The following PIK3AP1 variants were observed in gnomAD, a reference collection of about 807,000 sequenced individuals.
PIK3AP1 encodes phosphoinositide-3-kinase adaptor protein 1.
Under a neutral mutation model 88.1 loss-of-function variants are expected in PIK3AP1, and 21 were observed. The observed-to-expected ratio is 0.24, with a 90% confidence interval of 0.17 to 0.34. PIK3AP1 has a LOEUF of 0.34. Ranked by LOEUF, PIK3AP1 falls within the 10% of genes least tolerant of loss-of-function variation. The pLI, the probability that PIK3AP1 is intolerant of heterozygous loss-of-function variation, is 1.00. For missense variants in PIK3AP1, 828 were observed against 1,035.7 expected (o/e 0.80, Z 2.75); for synonymous variants, 398 against 400.0 (o/e 1.00, Z 0.06).
intron 1 of PIK3AP1, among the ~76,000 whole-genome samples, chr10:96,714,507 A>G (rs1416342849): frequency 6.6e-6 from 1 of 152,234 alleles, no homozygotes; most frequent in East Asian, 1.9e-4. Context: ...TAGTTTAGAA[A>G]ATACAGTTAA....
At chr10:96,639,280 G>A (rs996367796) in intron 8 of PIK3AP1, among the ~76,000 whole-genome samples, 1 of 152,140 alleles carries the variant, frequency 6.6e-6, no homozygotes, top group African/African-American at 2.4e-5. Flanking sequence ...TTATTTTCTG[G>A]TAGCTCAAAT....
chr10:96,651,279 G>A lies in PIK3AP1; in HGVS notation c.957C>T (p.Ile319=), dbSNP rs1403023526. The change falls in exon 6 of 17, where the codon ATC becomes ATT. Residue 319 remains isoleucine, a synonymous_variant. Coordinates refer to ENST00000339364, the MANE Select transcript of PIK3AP1 (RefSeq NM_152309.3). ...TCATATCTTCTTCTTCCAGCTGGTT[G>A]ATTCCAAAGAGGTGCAGTCCGCTTG... The part of the protein sequence containing the change: ...IPASGLHLFG[I]NQLEEEDMMT... 1 of 1,614,212 alleles carries A rather than the reference G, an allele frequency of 6.2e-7. No individual in the cohort carries two copies. The highest frequency in any genetic ancestry group is 1.1e-5 in the South Asian group (1 of 91,076).
chr10:96,654,186 G>A (rs183055056), intron 3 of PIK3AP1, among the ~76,000 whole-genome samples: 203 of 152,198 alleles, frequency 1.3e-3, no homozygotes, highest in African/African-American at 4.6e-3. Context: ...CGAGCGCCTC[G>A]AATAGCTCTT....
chr10:96,715,665 T>C (rs1010996176), intron 1 of PIK3AP1, among the ~76,000 whole-genome samples: 1 of 151,508 alleles, frequency 6.6e-6, no homozygotes, highest in African/African-American at 2.4e-5. Flanking sequence ...CCAAGGCGGG[T>C]GGATCACGAG....
intron 2 of PIK3AP1, among the ~76,000 whole-genome samples, chr10:96,672,674 C>T (rs1043451811): frequency 6.6e-6 from 1 of 151,070 alleles, no homozygotes; most frequent in Non-Finnish European, 1.5e-5. Context: ...GCTGCCATGA[C>T]AACCAATGAA....
chr10:96,629,923 AAAAAAAAAAGAAG>A (rs1564961825), intron 8 of PIK3AP1, among the ~76,000 whole-genome samples: 1 of 67,578 alleles, frequency 1.5e-5, no homozygotes, highest in Non-Finnish European at 3.4e-5. Flanking sequence ...AAAAAAAAAA[AAAAAAAAAAGAAG>A]AAGAAGAAGA....
intron 2 of PIK3AP1, chr10:96,700,815 C>G: frequency 1.0e-6 from 1 of 985,578 alleles, no homozygotes; most frequent in South Asian, 4.7e-5. Context: ...TCTGCGAGGC[C>G]ACGACACCGA....
At chr10:96,616,580 C>A in intron 13 of PIK3AP1, 59 bp downstream of exon 13, 4 of 1,576,530 alleles carry the variant, frequency 2.5e-6, no homozygotes, top group African/African-American at 1.3e-5. Flanking sequence ...AAAGGAGAGT[C>A]AAGGACAACA....
intron 2 of PIK3AP1, among the ~76,000 whole-genome samples, chr10:96,701,612 C>T (rs521787): frequency 0.05 from 7,584 of 152,168 alleles, 652 homozygotes; most frequent in African/African-American, 0.17. Context: ...GCAAGAGAAA[C>T]TGCAAATGTA....
At chr10:96,634,174 G>T (rs796235524) in intron 8 of PIK3AP1, among the ~76,000 whole-genome samples, 67 of 152,332 alleles carry the variant, frequency 4.4e-4, no homozygotes, top group African/African-American at 1.6e-3. Flanking sequence ...ACCATAGCGA[G>T]AGGCCAACCT....
Position 96,695,369 on chromosome 10 carries a change from G to A in PIK3AP1, c.430+14198C>T, listed in dbSNP as rs1844206623. On this transcript the variant is annotated intron_variant, in intron 2 of 16. Transcript: ENST00000339364. ...TGATGAACGTCCTTCCTATCTTATTGCAAGCTTTAACTGCAACTACAGCCT... is the reference window on the plus strand; with the variant it reads ...TGATGAACGTCCTTCCTATCTTATTACAAGCTTTAACTGCAACTACAGCCT... Among the ~76,000 whole-genome samples, 3 of 152,270 alleles carry A rather than the reference G, an allele frequency of 2.0e-5. No individual in the cohort carries two copies. The South Asian group carries it at 6.2e-4, about 32-fold the overall frequency.
intron 8 of PIK3AP1, among the ~76,000 whole-genome samples, chr10:96,641,318 C>T (rs1343009758): frequency 6.6e-6 from 1 of 152,240 alleles, no homozygotes; most frequent in Non-Finnish European, 1.5e-5. Context: ...CATTACCACC[C>T]CTTTCCCAAA....
At chr10:96,689,483 T>C (rs998909465) in intron 2 of PIK3AP1, among the ~76,000 whole-genome samples, 6 of 142,922 alleles carry the variant, frequency 4.2e-5, no homozygotes, top group Non-Finnish European at 9.0e-5. Flanking sequence ...GGCAGGAGAA[T>C]GGCGTGAACC....
At chr10:96,700,425 C>G (rs684211) in intron 2 of PIK3AP1, among the ~76,000 whole-genome samples, 1 of 152,148 alleles carries the variant, frequency 6.6e-6, no homozygotes, top group Non-Finnish European at 1.5e-5. Context: ...GTGTGAACAA[C>G]CCCTGATTCC....
chr10:96,633,057 C>G, intron 8 of PIK3AP1: 2 of 1,596,360 alleles, frequency 1.3e-6, no homozygotes, highest in Non-Finnish European at 1.7e-6. Context: ...TGAAAAACCT[C>G]ATGTCCTACA....
intron 2 of PIK3AP1, among the ~76,000 whole-genome samples, chr10:96,673,625 T>C: frequency 6.6e-6 from 1 of 152,224 alleles, no homozygotes; most frequent in Non-Finnish European, 1.5e-5. Context: ...TAACTCACCT[T>C]TTCACAGGCT....
chr10:96,712,871 T>C (rs975701956), intron 1 of PIK3AP1, among the ~76,000 whole-genome samples: 5 of 152,252 alleles, frequency 3.3e-5, no homozygotes, highest in African/African-American at 1.2e-4. Flanking sequence ...CACCTTCCTC[T>C]GCATACATAT....
At chr10:96,639,015 T>C (rs1352312329) in intron 8 of PIK3AP1, among the ~76,000 whole-genome samples, 1 of 152,144 alleles carries the variant, frequency 6.6e-6, no homozygotes, top group Non-Finnish European at 1.5e-5. Context: ...ATGAAGGCAT[T>C]TGGGCTTTGT....
Position 96,626,768 on chromosome 10 carries a change from G to T in PIK3AP1, c.1609C>A (p.Pro537Thr). The T allele has an allele frequency of 6.2e-7, 1 of 1,614,228 alleles. No homozygotes were observed. Among genetic ancestry groups the T allele is most frequent in the Non-Finnish European group, 8.5e-7 (1 of 1,180,030 alleles). ...ASRPPVPVPRPETTAPGAHQL... is the reference protein window; with the variant it reads ...ASRPPVPVPRTETTAPGAHQL... ...TGAGCACCAGGAGCAGTGGTCTCTGGTCTGGGCACTGGGACAGGGGGCCTG... is the reference window on the plus strand; with the variant it reads ...TGAGCACCAGGAGCAGTGGTCTCTGTTCTGGGCACTGGGACAGGGGGCCTG... Residue 537 changes from proline to threonine, a missense_variant, in exon 10 of 17, where the codon CCA becomes ACA. Transcript: ENST00000339364.
Sources: gnomAD v4.1 joint callset for allele counts (sites outside exome capture counted in the v4.1 genomes callset) on GRCh38, gnomAD v4.1.1 for gene constraint, MANE v1.5 for transcripts, NCBI Gene and HGNC (gene_info 2026-07-23, HGNC 2026-07-21) for gene names.